CSRNP3: variants seen among roughly 807,000 people sequenced by gnomAD.
CSRNP3 encodes cysteine and serine rich nuclear protein 3.
In CSRNP3, 12 loss-of-function variants were observed where a neutral mutation model predicts 48.0. The observed-to-expected ratio is 0.25, with a 90% CI of 0.16 to 0.41. CSRNP3 has a LOEUF of 0.41. CSRNP3 is among the 10% of genes least tolerant of loss of function. The pLI, the probability that CSRNP3 is intolerant of heterozygous loss-of-function variation, is 1.00. For missense variants in CSRNP3, 580 were observed against 724.4 expected, an observed-to-expected ratio of 0.80 and a Z score of 2.29; for synonymous variants, 263 against 269.7, an observed-to-expected ratio of 0.98 and a Z score of 0.24.
chr2:165,543,806 T>C lies in CSRNP3; in HGVS notation c.-24+25845T>C, dbSNP rs958099857. Among the ~76,000 whole-genome samples the C allele has an allele frequency of 2.6e-5, 4 of 152,092 alleles. No homozygotes were observed. In the South Asian group the frequency reaches 8.3e-4, roughly 32 times the overall value. On this transcript the variant is annotated intron_variant, in intron 3 of 6. Coordinates refer to ENST00000651982, the MANE Select transcript of CSRNP3 (RefSeq NM_001172173.2). ...TCAAAGGATTTAGCTTATTTTGAAGTTGCAATAAAATCAGTGGTTTCCAGT... is the reference window on the plus strand; with the variant it reads ...TCAAAGGATTTAGCTTATTTTGAAGCTGCAATAAAATCAGTGGTTTCCAGT...
At chr2:165,604,011 G>A (rs1383042849) in intron 4 of CSRNP3, among the ~76,000 whole-genome samples, 1 of 152,160 alleles carries the variant, frequency 6.6e-6, no homozygotes, top group Non-Finnish European at 1.5e-5. Context: ...CTTATTAAAA[G>A]CAGGAATGTA....
chr2:165,483,808 C>T (rs534701986), intron 1 of CSRNP3, among the ~76,000 whole-genome samples: 23 of 152,164 alleles, frequency 1.5e-4, no homozygotes, highest in African/African-American at 4.3e-4. Context: ...GGCACTAATC[C>T]GCCTTCATGA....
At chr2:165,543,545 A>T (rs1465334322) in intron 3 of CSRNP3, among the ~76,000 whole-genome samples, 2 of 152,156 alleles carry the variant, frequency 1.3e-5, no homozygotes, top group African/African-American at 4.8e-5. Flanking sequence ...GAGATGAGGA[A>T]TAAGACATCT....
intron 3 of CSRNP3, among the ~76,000 whole-genome samples, chr2:165,524,636 T>C (rs986809675): frequency 2.0e-5 from 3 of 152,210 alleles, no homozygotes; most frequent in African/African-American, 7.2e-5. Context: ...TGGCAACTAA[T>C]CTGCTCTAGG....
Position 165,657,917 on chromosome 2 carries a change from G to A in CSRNP3, c.305G>A (p.Arg102His), listed in dbSNP as rs374214581. ...ATGTCCAGCCGCCATAACAGCGTGC[G>A]CCAGTACACTCTTGGCGAGTTTGCA... ...LGMSSRHNSV[R>H]QYTLGEFARE... The change falls in exon 5 of 7, where the codon CGC (arginine) becomes CAC (histidine). Residue 102 changes from arginine to histidine, a missense_variant. Physicochemically the swap from Arg to His is conservative, Grantham distance 29. Around this residue, in one of 4 missense-constraint regions of CSRNP3, gnomAD observed 83 missense variants for 139.6 expected, o/e 0.59. Transcript: ENST00000651982. 2.2e-5 allele frequency: 35 copies of A among 1,613,992 alleles called. No homozygotes were observed. The highest frequency in any genetic ancestry group is 9.9e-5 in the South Asian group (9 of 91,082).
intron 3 of CSRNP3, among the ~76,000 whole-genome samples, chr2:165,560,112 T>C (rs1358847666): frequency 6.6e-6 from 1 of 152,182 alleles, no homozygotes; most frequent in South Asian, 2.1e-4. Flanking sequence ...TGACAGATCA[T>C]TTTGTACTCC....
intron 4 of CSRNP3, among the ~76,000 whole-genome samples, chr2:165,602,092 G>A (rs1573910394): frequency 6.6e-6 from 1 of 152,166 alleles, no homozygotes; most frequent in African/African-American, 2.4e-5. Context: ...GACATATGTC[G>A]CAATCTACCC....
intron 4 of CSRNP3, among the ~76,000 whole-genome samples, chr2:165,602,997 G>A (rs955370651): frequency 1.3e-5 from 2 of 151,980 alleles, no homozygotes; most frequent in South Asian, 2.1e-4. Flanking sequence ...CGGGGTTCAC[G>A]CCATTCTCCT....
chr2:165,582,313 A>G (rs537234832), intron 3 of CSRNP3, among the ~76,000 whole-genome samples: 1 of 152,338 alleles, frequency 6.6e-6, no homozygotes, highest in South Asian at 2.1e-4. Flanking sequence ...GTTATTATAA[A>G]TGGAATGAGG....
At position 165,595,160 on chromosome 2, in the gene CSRNP3, A is replaced by G. The variant is rs769210504; in HGVS notation, c.95A>G (p.Glu32Gly). 4.3e-6 allele frequency: 7 copies of G among 1,614,076 alleles called. No homozygotes were observed. The highest frequency in any genetic ancestry group is 5.9e-6 in the Non-Finnish European group (7 of 1,180,016). Reference protein sequence around the residue: ...RESDDEVSSSESADSGDSVNP... With the variant: ...RESDDEVSSSGSADSGDSVNP... ...TCAGATGATGAAGTTTCCAGCAGTG[A>G]AAGTGCTGACAGTGGGGACAGTGTC... The change falls in exon 4 of 7, where the codon GAA becomes GGA. Residue 32 changes from glutamate to glycine, a missense_variant. This residue lies in a region of CSRNP3 where 83 missense variants were observed against 139.6 expected (regional missense o/e 0.59). Transcript: ENST00000651982.
intron 4 of CSRNP3, among the ~76,000 whole-genome samples, chr2:165,654,717 CCT>C (rs1480256992): frequency 6.6e-5 from 10 of 152,190 alleles, no homozygotes; most frequent in Non-Finnish European, 1.3e-4. Context: ...GCAACCTCCA[CCT>C]CTCAGGTTCC....
At chr2:165,653,873 G>A (rs1340769962) in intron 4 of CSRNP3, among the ~76,000 whole-genome samples, 1 of 148,980 alleles carries the variant, frequency 6.7e-6, no homozygotes, top group Non-Finnish European at 1.5e-5. Flanking sequence ...TCAGGAGGCT[G>A]AGGAAGGAGA....
chr2:165,608,551 C>T (rs1033043736), intron 4 of CSRNP3, among the ~76,000 whole-genome samples: 3 of 152,016 alleles, frequency 2.0e-5, no homozygotes, highest in Admixed American at 6.6e-5. Context: ...ATTTATAAAC[C>T]TTAATATCTA....
chr2:165,598,358 A>G (rs1685846089), intron 4 of CSRNP3, among the ~76,000 whole-genome samples: 1 of 152,206 alleles, frequency 6.6e-6, no homozygotes. Flanking sequence ...CACAAAGGTA[A>G]AGAATGGTAA....
At position 165,583,156 on chromosome 2, in the gene CSRNP3, C is replaced by T. The variant is rs150608033; in HGVS notation, c.-23-11887C>T. 5.3e-5 allele frequency among the ~76,000 whole-genome samples: 8 copies of T among 152,228 alleles called. No individual in the cohort carries two copies. The East Asian group carries it at 9.7e-4, about 18-fold the overall frequency. On this transcript the variant is annotated intron_variant, in intron 3 of 6. Coordinates refer to ENST00000651982, the MANE Select transcript of CSRNP3 (RefSeq NM_001172173.2). ...CATTGCCAGATTCCTCCTGTTTTGGCGGCAGATATGCTAATTTCTTGCCAA... is the reference window on the plus strand; with the variant it reads ...CATTGCCAGATTCCTCCTGTTTTGGTGGCAGATATGCTAATTTCTTGCCAA...
chr2:165,485,385 A>G (rs1432890302), intron 1 of CSRNP3, among the ~76,000 whole-genome samples: 1 of 152,254 alleles, frequency 6.6e-6, no homozygotes, highest in Admixed American at 6.5e-5. Flanking sequence ...ATAGTCTCCT[A>G]TAACTGATAA....
chr2:165,559,198 A>T (rs1275728395), intron 3 of CSRNP3, among the ~76,000 whole-genome samples: 4 of 152,150 alleles, frequency 2.6e-5, no homozygotes. Flanking sequence ...ATTATATTCA[A>T]AATTTTGGTT....
chr2:165,520,990 AT>A lies in CSRNP3; in HGVS notation c.-24+3036del, dbSNP rs573478990. Among the ~76,000 whole-genome samples the A allele has an allele frequency of 2.3e-3, 343 of 150,772 alleles. 1 individual carries two copies. The highest frequency in any genetic ancestry group is 7.8e-3 in the African/African-American group (321 of 41,146). ...AGGCATGCACTACCACACTTGGGTA[AT>A]TTTTTTAAAAAATTTTTTGTAGAGA... On this transcript the variant is annotated intron_variant, in intron 3 of 6. Coordinates refer to ENST00000651982, the MANE Select transcript of CSRNP3 (RefSeq NM_001172173.2).
At chr2:165,601,010 G>A (rs899468333) in intron 4 of CSRNP3, among the ~76,000 whole-genome samples, 2 of 152,266 alleles carry the variant, frequency 1.3e-5, no homozygotes, top group East Asian at 3.9e-4. Context: ...GGTAATAAAA[G>A]CTTCAAAATA....
Sources: gnomAD v4.1 joint callset for allele counts (sites outside exome capture counted in the v4.1 genomes callset) on GRCh38, gnomAD v4.1.1 for gene constraint, gnomAD v4.1.1 regional missense constraint, MANE v1.5 for transcripts, NCBI Gene and HGNC (gene_info 2026-07-23, HGNC 2026-07-21) for gene names.